HADHA: variants seen among roughly 807,000 people sequenced by gnomAD.
The protein encoded by HADHA is trifunctional enzyme subunit alpha, mitochondrial.
In HADHA, 59 loss-of-function variants were observed where a neutral mutation model predicts 91.3. The observed-to-expected ratio is 0.65, with a 90% CI of 0.52 to 0.80. The LOEUF (loss-of-function observed/expected upper bound fraction) is 0.80. Among genes scored for constraint, HADHA ranks in the 30% least tolerant of loss-of-function variants. The probability of loss-of-function intolerance (pLI) is 0.00; values close to 1 mark genes in which losing one functional copy is unlikely to be tolerated. For missense variants in HADHA, 800 were observed against 927.6 expected, an observed-to-expected ratio of 0.86 and a Z score of 1.79; for synonymous variants, 320 against 338.9, an observed-to-expected ratio of 0.94 and a Z score of 0.61.
intron 10 of HADHA, 184 bp downstream of exon 10, chr2:26,212,386 C>T: frequency 1.6e-6 from 1 of 636,106 alleles, no homozygotes; most frequent in South Asian, 1.8e-5. Flanking sequence ...CACGCCTGGC[C>T]CCATTAGGGT....
chr2:26,201,056 C>T, intron 13 of HADHA, 93 bp downstream of exon 13: 2 of 931,808 alleles, frequency 2.1e-6, no homozygotes, highest in Non-Finnish European at 1.7e-6. Context: ...TTTATAAAAG[C>T]AATCATGAGT....
intron 3 of HADHA, among the ~76,000 whole-genome samples, chr2:26,238,327 G>C (rs2147785183): frequency 1.3e-5 from 2 of 152,190 alleles, no homozygotes; most frequent in South Asian, 4.1e-4. Context: ...TTTAAAGTAA[G>C]AATACACCAA....
Position 26,221,118 on chromosome 2 carries a change from A to C in HADHA, c.677-5943T>G, listed in dbSNP as rs1380337894. Among the ~76,000 whole-genome samples the C allele has an allele frequency of 6.6e-6, 1 of 152,172 alleles. No individual in the cohort carries two copies. Among genetic ancestry groups the C allele is most frequent in the African/African-American group, 2.4e-5 (1 of 41,426 alleles). On this transcript the variant is annotated intron_variant, in intron 7 of 19. Transcript: ENST00000380649. The surrounding 1 kb of genome is among the most constrained non-coding windows in gnomAD (Gnocchi z 4.8). Reference sequence around the variant, plus strand: ...TGGTGGGCTGCTTCAGATTTTGGAGACAACATATTACTCATTTGGGTTGCT... The same window carrying C: ...TGGTGGGCTGCTTCAGATTTTGGAGCCAACATATTACTCATTTGGGTTGCT...
intron 11 of HADHA, among the ~76,000 whole-genome samples, chr2:26,205,123 C>G (rs931043753): frequency 1.3e-5 from 2 of 152,122 alleles, no homozygotes; most frequent in African/African-American, 4.8e-5. Flanking sequence ...AAATTCTAAG[C>G]CTTTTGAGGA....
chr2:26,215,838 G>A (rs1558323684), intron 7 of HADHA, among the ~76,000 whole-genome samples: 1 of 152,222 alleles, frequency 6.6e-6, no homozygotes. Flanking sequence ...CAGAGAGGTT[G>A]AGTGAAATCT....
intron 12 of HADHA, among the ~76,000 whole-genome samples, chr2:26,202,486 A>G (rs1312115777): frequency 6.6e-6 from 1 of 152,210 alleles, no homozygotes; most frequent in Admixed American, 6.5e-5. Flanking sequence ...CACATCTGTA[A>G]TCCCAGCACT....
Position 26,229,838 on chromosome 2 carries a change from T to C in HADHA, c.676+354A>G, listed in dbSNP as rs188820551. On this transcript the variant is annotated intron_variant, in intron 7 of 19. Coordinates refer to ENST00000380649, the MANE Select transcript of HADHA (RefSeq NM_000182.5). The surrounding 1 kb of genome is among the most constrained non-coding windows in gnomAD (Gnocchi z 4.3). The stretch of plus-strand genomic sequence containing the variant: ...GATATTCAAGAGGTTAACTGTTTTT[T>C]CTTTTGAGATGGGAGTCTGGCTCTG... Among the ~76,000 whole-genome samples, 2 of 152,192 alleles carry C rather than the reference T, an allele frequency of 1.3e-5. No homozygotes were observed. Among genetic ancestry groups the C allele is most frequent in the African/African-American group, 4.8e-5 (2 of 41,458 alleles).
intron 10 of HADHA, among the ~76,000 whole-genome samples, chr2:26,211,690 A>G (rs192832487): frequency 1.0e-3 from 155 of 152,334 alleles, no homozygotes; most frequent in African/African-American, 3.6e-3. Flanking sequence ...TCAACTTTAT[A>G]AAAGAGCAAC....
At chr2:26,226,708 T>C (rs1172809220) in intron 7 of HADHA, among the ~76,000 whole-genome samples, 1 of 152,158 alleles carries the variant, frequency 6.6e-6, no homozygotes, top group Non-Finnish European at 1.5e-5. Context: ...GAGCTAAAAC[T>C]AGAAAATTTC....
At position 26,214,562 on chromosome 2, in the gene HADHA, C is replaced by A. The variant is rs1553314024; in HGVS notation, c.800-1G>T. The A allele has an allele frequency of 1.3e-6, 2 of 1,490,740 alleles. No homozygotes were observed. The highest frequency in any genetic ancestry group is 1.9e-6 in the Non-Finnish European group (2 of 1,067,588). 92.3% of individuals were successfully genotyped at this position (1,490,740 alleles called of 1,614,324 possible). ...ATAGTCATGGCATACGCTGTCAATTCTGTAAAATAAAATGCTTTTAGATAT... is the reference window on the plus strand; with the variant it reads ...ATAGTCATGGCATACGCTGTCAATTATGTAAAATAAAATGCTTTTAGATAT... On this transcript the variant is annotated splice_acceptor_variant, in intron 8 of 19. Coordinates refer to ENST00000380649, the MANE Select transcript of HADHA (RefSeq NM_000182.5). LOFTEE classifies it high-confidence loss of function. This position sits in a 1 kb window ranked among gnomAD's most constrained non-coding sequence, Gnocchi z 4.1.
At position 26,214,431 on chromosome 2, in the gene HADHA, G is replaced by T; in HGVS notation, c.918+12C>A. ...AAATATGAGAAAAGTGGGAATATTGGGTAAGACTCACATCAATTATTTTCA... is the reference window on the plus strand; with the variant it reads ...AAATATGAGAAAAGTGGGAATATTGTGTAAGACTCACATCAATTATTTTCA... On this transcript the variant is annotated intron_variant, in intron 9 of 19. Coordinates refer to ENST00000380649, the MANE Select transcript of HADHA (RefSeq NM_000182.5). The surrounding 1 kb of genome is among the most constrained non-coding windows in gnomAD (Gnocchi z 4.1). 2 of 1,209,100 alleles carry T rather than the reference G, an allele frequency of 1.7e-6. No homozygotes were observed. Among genetic ancestry groups the T allele is most frequent in the Non-Finnish European group, 2.5e-6 (2 of 811,696 alleles). The allele number at this position is 1,209,100 out of a possible 1,614,324, so 74.9% of individuals were successfully genotyped here.
At chr2:26,244,317 G>A (rs1359575218) in intron 1 of HADHA, among the ~76,000 whole-genome samples, 1 of 152,258 alleles carries the variant, frequency 6.6e-6, no homozygotes, top group African/African-American at 2.4e-5. Context: ...TGGGGAGTTA[G>A]GAAGCCTGAA....
At chr2:26,236,379 TC>T (rs1670758658) in intron 4 of HADHA, among the ~76,000 whole-genome samples, 6 of 76,428 alleles carry the variant, frequency 7.9e-5, no homozygotes, top group Admixed American at 1.4e-4. Context: ...ATATATATAC[TC>T]TGTGTGTGTG....
At chr2:26,211,362 T>C (rs1040166604) in intron 10 of HADHA, among the ~76,000 whole-genome samples, 17 of 152,116 alleles carry the variant, frequency 1.1e-4, no homozygotes, top group African/African-American at 3.4e-4. Context: ...CTTTTACAGG[T>C]TGAGCATCCC....
chr2:26,195,286 A>G, intron 14 of HADHA, 54 bp from the exon 15 acceptor site: 1 of 1,464,946 alleles, frequency 6.8e-7, no homozygotes, highest in Non-Finnish European at 9.6e-7. Context: ...GAGGAACCTG[A>G]GAGCATTCCT....
At chr2:26,197,816 C>G in intron 13 of HADHA, 39 bp from the exon 14 acceptor site, 3 of 1,019,062 alleles carry the variant, frequency 2.9e-6, no homozygotes, top group Non-Finnish European at 4.7e-6. Context: ...TCAGGTAGGC[C>G]TGGGAGATGA....
rs756791832 is a variant in HADHA at position 26,214,294 on chromosome 2, A to G, written c.918+149T>C. On this transcript the variant is annotated intron_variant, in intron 9 of 19. Coordinates refer to ENST00000380649, the MANE Select transcript of HADHA (RefSeq NM_000182.5). This position sits in a 1 kb window ranked among gnomAD's most constrained non-coding sequence, Gnocchi z 4.1. ...TTTATATGAGTCCTTACAGCTTGCT[A>G]TGCCCTTCCCTTATTTTTGGTAAAT... 1 of 729,264 alleles carries G rather than the reference A, an allele frequency of 1.4e-6. No homozygotes were observed. Among genetic ancestry groups the G allele is most frequent in the Non-Finnish European group, 2.5e-6 (1 of 398,184 alleles). The allele number at this position is 729,264 out of a possible 1,614,324, so 45.2% of individuals were successfully genotyped here. A position where few individuals can be genotyped will look rare whatever the true frequency, so the allele number is the denominator to read the frequency against.
At chr2:26,222,586 A>G (rs984229764) in intron 7 of HADHA, among the ~76,000 whole-genome samples, 7 of 152,202 alleles carry the variant, frequency 4.6e-5, no homozygotes, top group Admixed American at 4.6e-4. Context: ...AACAGTGGCC[A>G]TGATGGTGGG....
intron 16 of HADHA, 53 bp from the exon 17 acceptor site, chr2:26,193,825 C>CA: frequency 2.1e-6 from 3 of 1,410,158 alleles, no homozygotes; most frequent in Non-Finnish European, 2.0e-6. Flanking sequence ...CAAATCCCCC[C>CA]AAAGGGCTCC....
Sources: gnomAD v4.1 joint callset for allele counts (sites outside exome capture counted in the v4.1 genomes callset) on GRCh38, gnomAD v4.1.1 for gene constraint, Gnocchi (gnomAD v3.1) non-coding constraint, MANE v1.5 for transcripts, NCBI Gene and HGNC (gene_info 2026-07-23, HGNC 2026-07-21) for gene names.